Variants in PGM5 observed in about 807,000 individuals in gnomAD.
The protein encoded by PGM5 is phosphoglucomutase-like protein 5.
Under a neutral mutation model 59.2 loss-of-function variants are expected in PGM5, and 23 were observed. The observed-to-expected ratio is 0.39, with a 90% CI of 0.28 to 0.55. The LOEUF (loss-of-function observed/expected upper bound fraction) is 0.55. PGM5 is among the 20% of genes least tolerant of loss of function. The pLI is 0.66. For synonymous variants in PGM5, 214 were observed against 286.0 expected, an observed-to-expected ratio of 0.75 and a Z score of 2.54; for missense variants, 574 against 748.3, an observed-to-expected ratio of 0.77 and a Z score of 2.72.
At chr9:68,466,619 G>A (rs1224301271) in intron 7 of PGM5, 2 of 153,640 alleles carry the variant, frequency 1.3e-5, no homozygotes, top group East Asian at 3.8e-4. Context: ...GGCAATTAGT[G>A]TGGAAGGTTA....
intron 6 of PGM5, chr9:68,393,975 T>A (rs1248435498): frequency 1.3e-5 from 2 of 152,164 alleles, no homozygotes; most frequent in East Asian, 1.9e-4. Context: ...TATGGATGAA[T>A]AAAAAAATAT....
In PGM5 at chr9:68,390,224, T is replaced by C. The variant is rs11140884; in HGVS notation, c.698-1310T>C. Among the ~76,000 whole-genome samples, 923 of 152,244 alleles carry C rather than the reference T, an allele frequency of 6.1e-3. 7 individuals carry two copies. The highest frequency in any genetic ancestry group is 0.021 in the African/African-American group (893 of 41,554). ...GTTCTTTCTTGTTGGGCTGATCATA[T>C]TCCTCAGGAAAAGAACTTTCAGGTT... On this transcript the variant is annotated intron_variant, in intron 4 of 10. Coordinates refer to ENST00000396396, the MANE Select transcript of PGM5 (RefSeq NM_021965.4).
At chr9:68,445,463 G>A (rs1296826537) in intron 6 of PGM5, among the ~76,000 whole-genome samples, 1 of 152,174 alleles carries the variant, frequency 6.6e-6, no homozygotes, top group African/African-American at 2.4e-5. Context: ...CCCTTTGAAA[G>A]CTCCCTCCTA....
chr9:68,391,659 A>G lies in PGM5; in HGVS notation c.823A>G (p.Thr275Ala). 1.2e-6 allele frequency: 2 copies of G among 1,613,316 alleles called. No individual in the cohort carries two copies. The highest frequency in any genetic ancestry group is 8.5e-7 in the Non-Finnish European group (1 of 1,179,446). Residue 275 changes from threonine to alanine, a missense_variant, in exon 5 of 11, where the codon ACG (threonine) becomes GCG (alanine). Thr to Ala is a moderately conservative substitution (Grantham distance 58). Coordinates refer to ENST00000396396, the MANE Select transcript of PGM5 (RefSeq NM_021965.4). ...QHPDPNLTYA[T>A]TLLEAMKGGE... ...CCCTGACCCAAACCTGACATATGCA[A>G]CGACTCTTCTGGAAGCAATGAAAGG... is the stretch of plus-strand genomic sequence containing the variant.
intron 1 of PGM5, among the ~76,000 whole-genome samples, chr9:68,373,056 G>T (rs1345595867): frequency 6.6e-6 from 1 of 150,842 alleles, no homozygotes; most frequent in Non-Finnish European, 1.5e-5. Context: ...CTTGGCTCAT[G>T]AGCCCATTGG....
At chr9:68,499,059 T>G in intron 9 of PGM5, 168 bp from the exon 10 acceptor site, 1 of 686,636 alleles carries the variant, frequency 1.5e-6, no homozygotes, top group East Asian at 2.6e-5. Flanking sequence ...TAACTCTAAG[T>G]AGGTTCATCA....
intron 6 of PGM5, 32 bp from the exon 7 acceptor site, chr9:68,465,061 T>G (rs781981944): frequency 1.6e-5 from 22 of 1,347,784 alleles, no homozygotes; most frequent in Non-Finnish European, 2.2e-5. Flanking sequence ...ATGAAATATA[T>G]GAATTGACTT....
At chr9:68,433,753 C>T (rs1001626956) in intron 6 of PGM5, among the ~76,000 whole-genome samples, 1 of 152,154 alleles carries the variant, frequency 6.6e-6, no homozygotes, top group East Asian at 1.9e-4. Flanking sequence ...TGATCTTTCA[C>T]TTTAAGGCCA....
At chr9:68,373,279 T>C (rs1206574819) in intron 1 of PGM5, among the ~76,000 whole-genome samples, 4 of 150,728 alleles carry the variant, frequency 2.7e-5, no homozygotes, top group Admixed American at 1.3e-4. Context: ...GATAGGACCA[T>C]GTCCAGCAAT....
intron 9 of PGM5, among the ~76,000 whole-genome samples, chr9:68,485,214 G>A (rs1482968088): frequency 1.3e-5 from 2 of 152,084 alleles, no homozygotes; most frequent in Non-Finnish European, 2.9e-5. Flanking sequence ...TTCACATCAG[G>A]CCAGTTCTGC....
At chr9:68,420,224 G>C (rs974501616) in intron 6 of PGM5, among the ~76,000 whole-genome samples, 1 of 152,140 alleles carries the variant, frequency 6.6e-6, no homozygotes, top group Admixed American at 6.5e-5. Context: ...GGCTTGGTGT[G>C]GCTCAAAGAC....
chr9:68,392,653 G>A (rs1554679618), intron 6 of PGM5, among the ~76,000 whole-genome samples, 180 bp downstream of exon 6: 2 of 152,124 alleles, frequency 1.3e-5, no homozygotes, highest in African/African-American at 4.8e-5. Flanking sequence ...TTAATTCTTG[G>A]TTCTGCCACT....
chr9:68,378,494 C>T (rs1328421413), intron 2 of PGM5, 133 bp downstream of exon 2: 1 of 1,143,150 alleles, frequency 8.7e-7, no homozygotes, highest in African/African-American at 1.6e-5. Context: ...GTGAGGTGCC[C>T]AAAGAGATCC....
At chr9:68,516,724 T>C (rs972478393) in intron 10 of PGM5, among the ~76,000 whole-genome samples, 4 of 152,148 alleles carry the variant, frequency 2.6e-5, no homozygotes, top group African/African-American at 9.7e-5. Context: ...CTTGCCAAAG[T>C]GGGCCTGGGG....
chr9:68,519,116 A>T (rs189121986), intron 10 of PGM5, among the ~76,000 whole-genome samples: 6 of 152,350 alleles, frequency 3.9e-5, no homozygotes, highest in Admixed American at 3.3e-4. Context: ...CTAAAATGAA[A>T]GCGAAATAAA....
chr9:68,464,247 T>C (rs1554685646), intron 6 of PGM5, among the ~76,000 whole-genome samples: 1 of 152,146 alleles, frequency 6.6e-6, no homozygotes, highest in East Asian at 1.9e-4. Context: ...CTCTAAGAGA[T>C]ATTTGCTTTC....
Position 68,362,037 on chromosome 9 carries a change from G to A in PGM5, c.261+4649G>A, listed in dbSNP as rs537813257. Among the ~76,000 whole-genome samples, 595 of 150,318 alleles carry A rather than the reference G, an allele frequency of 4.0e-3. 5 individuals carry two copies. Among genetic ancestry groups the A allele is most frequent in the African/African-American group, 0.014 (558 of 40,694 alleles). On this transcript the variant is annotated intron_variant, in intron 1 of 10. Transcript: ENST00000396396. ...TATCAATATTTACTTGATTGTTTTAGCATTTATTAATGATCCTTGCTTGAG... is the reference window on the plus strand; with the variant it reads ...TATCAATATTTACTTGATTGTTTTAACATTTATTAATGATCCTTGCTTGAG...
At chr9:68,363,535 A>G (rs1834621042) in intron 1 of PGM5, among the ~76,000 whole-genome samples, 1 of 152,394 alleles carries the variant, frequency 6.6e-6, no homozygotes, top group Admixed American at 6.5e-5. Flanking sequence ...ATCACCAAAT[A>G]CTACATACAC....
intron 10 of PGM5, among the ~76,000 whole-genome samples, chr9:68,514,988 A>G (rs1824804015): frequency 6.6e-6 from 1 of 152,228 alleles, no homozygotes; most frequent in African/African-American, 2.4e-5. Flanking sequence ...TTTTCTTCAC[A>G]CAATTATACT....
Sources: gnomAD v4.1 joint callset for allele counts (sites outside exome capture counted in the v4.1 genomes callset) on GRCh38, gnomAD v4.1.1 for gene constraint, MANE v1.5 for transcripts, NCBI Gene and HGNC (gene_info 2026-07-23, HGNC 2026-07-21) for gene names.